The following HNRNPF variants were observed in gnomAD, a reference collection of about 807,000 sequenced individuals.
HNRNPF encodes the protein heterogeneous nuclear ribonucleoprotein F.
HNRNPF carries 2 observed loss-of-function variants against 26.0 expected under a neutral mutation model. The ratio of observed to expected loss-of-function variants is 0.08; its 90% confidence interval spans 0.03 to 0.24. The LOEUF (loss-of-function observed/expected upper bound fraction) is 0.24, where lower values mean the gene tolerates loss of function less well. Among genes scored for constraint, HNRNPF ranks in the 10% least tolerant of loss-of-function variants. HNRNPF has a pLI of 1.00. For synonymous variants in HNRNPF, 234 were observed against 211.5 expected (o/e 1.11, Z -0.92); for missense variants, 299 against 539.2 (o/e 0.55, Z 4.41).
chr10:43,401,081 CAAA>C (rs59546346), intron 1 of HNRNPF, among the ~76,000 whole-genome samples: 4 of 140,708 alleles, frequency 2.8e-5, no homozygotes, highest in Non-Finnish European at 4.8e-5. Flanking sequence ...GACTCCGTCT[CAAA>C]AAAAAAAAAG....
chr10:43,399,259 T>C (rs993111469), intron 1 of HNRNPF, among the ~76,000 whole-genome samples: 1 of 152,088 alleles, frequency 6.6e-6, no homozygotes, highest in African/African-American at 2.4e-5. Context: ...ATTTTTTTTT[T>C]AATTTTTTAG....
At chr10:43,403,724 T>C (rs909455463) in intron 1 of HNRNPF, among the ~76,000 whole-genome samples, 1 of 152,140 alleles carries the variant, frequency 6.6e-6, no homozygotes, top group Non-Finnish European at 1.5e-5. Flanking sequence ...TGAGGCCATA[T>C]ATAGTGGCTC....
intron 3 of HNRNPF, among the ~76,000 whole-genome samples, 180 bp from the exon 4 acceptor site, chr10:43,388,116 G>T (rs1838103746): frequency 6.6e-6 from 1 of 152,086 alleles, no homozygotes; most frequent in African/African-American, 2.4e-5. Context: ...AACAAATCAG[G>T]AGTTTACAAG....
At chr10:43,403,020 G>GT (rs1838800658) in intron 1 of HNRNPF, among the ~76,000 whole-genome samples, 1 of 151,924 alleles carries the variant, frequency 6.6e-6, no homozygotes. Context: ...TAAAAATTCT[G>GT]TTTTTGAAAA....
Position 43,395,151 on chromosome 10 carries a change from G to C in HNRNPF, c.-111-463C>G, listed in dbSNP as rs1223172304. Among the ~76,000 whole-genome samples, 4 of 152,198 alleles carry C rather than the reference G, an allele frequency of 2.6e-5. No individual in the cohort carries two copies. In the East Asian group the frequency reaches 7.7e-4, roughly 29 times the overall value. On this transcript the variant is annotated intron_variant, in intron 2 of 3. Coordinates refer to ENST00000682386, the MANE Select transcript of HNRNPF (RefSeq NM_001098204.2). ...AATATCGGGGGCAGGGCACTTGGGA[G>C]GGAGATGGGTGGGGGAGAAGTGACA...
intron 1 of HNRNPF, among the ~76,000 whole-genome samples, chr10:43,405,847 T>C (rs1838899917): frequency 2.6e-5 from 4 of 152,134 alleles, no homozygotes; most frequent in Admixed American, 2.6e-4. Flanking sequence ...CGGTCTTGGC[T>C]GAGCTCAGTT....
intron 1 of HNRNPF, among the ~76,000 whole-genome samples, chr10:43,402,685 G>C (rs1838789674): frequency 6.6e-6 from 1 of 152,172 alleles, no homozygotes; most frequent in Non-Finnish European, 1.5e-5. Flanking sequence ...ACTTAAATTA[G>C]AAAAGATATG....
At chr10:43,396,690 G>C (rs904577103) in intron 1 of HNRNPF, 100 bp from the exon 2 acceptor site, 6 of 152,140 alleles carry the variant, frequency 3.9e-5, no homozygotes, top group African/African-American at 1.2e-4. Context: ...CCGAGGCCCC[G>C]AGACAAGGTG....
At chr10:43,395,063 C>T (rs576064578) in intron 2 of HNRNPF, among the ~76,000 whole-genome samples, 2 of 152,122 alleles carry the variant, frequency 1.3e-5, no homozygotes, top group Admixed American at 6.5e-5. Flanking sequence ...TCAGGTGATC[C>T]GCCCGCCTCT....
chr10:43,388,901 A>G (rs1838135364), intron 3 of HNRNPF, among the ~76,000 whole-genome samples: 1 of 152,134 alleles, frequency 6.6e-6, no homozygotes, highest in African/African-American at 2.4e-5. Flanking sequence ...TCATGGGGCC[A>G]AAGACGTATT....
intron 2 of HNRNPF, among the ~76,000 whole-genome samples, chr10:43,395,043 A>T (rs1288576194): frequency 6.6e-6 from 1 of 151,728 alleles, no homozygotes; most frequent in African/African-American, 2.4e-5. Flanking sequence ...CTGGTCCCAA[A>T]CTCCTGACCT....
Position 43,386,779 on chromosome 10 carries a change from T to C in HNRNPF, c.1106A>G (p.Asn369Ser), listed in dbSNP as rs377395674. The C allele has an allele frequency of 3.7e-5, 59 of 1,614,150 alleles. No homozygotes were observed. Among genetic ancestry groups the C allele is most frequent in the Middle Eastern group, 1.6e-4 (1 of 6,062 alleles). ...LFLNSTTGASNGAYSSQVMQG... is the reference protein window; with the variant it reads ...LFLNSTTGASSGAYSSQVMQG... ...CATCACCTGGCTGCTATACGCCCCA[T>C]TGCTGGCCCCTGTTGTTGAATTCAA... The change falls in exon 4 of 4, where the codon AAT becomes AGT. Residue 369 changes from asparagine (N) to serine (S), a missense_variant. Coordinates refer to ENST00000682386, the MANE Select transcript of HNRNPF (RefSeq NM_001098204.2).
At chr10:43,399,455 C>T (rs570611884) in intron 1 of HNRNPF, among the ~76,000 whole-genome samples, 1 of 152,274 alleles carries the variant, frequency 6.6e-6, no homozygotes, top group Admixed American at 6.5e-5. Context: ...GTGCAGAAGA[C>T]TTGAGCCAGG....
At chr10:43,397,814 C>A (rs987848721) in intron 1 of HNRNPF, among the ~76,000 whole-genome samples, 1 of 152,124 alleles carries the variant, frequency 6.6e-6, no homozygotes, top group African/African-American at 2.4e-5. Context: ...TGTCATTATA[C>A]TGTAATTTTA....
At chr10:43,396,255 T>C (rs866025871) in intron 2 of HNRNPF, among the ~76,000 whole-genome samples, 1 of 152,220 alleles carries the variant, frequency 6.6e-6, no homozygotes. Context: ...CACCTCGTTT[T>C]CTTTTGTTCA....
Position 43,409,157 on chromosome 10 carries a change from C to G in HNRNPF, c.-273G>C, listed in dbSNP as rs1839024966. 6.6e-6 allele frequency: 1 copy of G among 152,552 alleles called. No individual in the cohort carries two copies. Among genetic ancestry groups the G allele is most frequent in the African/African-American group, 2.4e-5 (1 of 41,480 alleles). 9.4% of individuals were successfully genotyped at this position (152,552 alleles called of 1,614,324 possible). On this transcript the variant is annotated 5_prime_UTR_variant, in exon 1 of 4. Coordinates refer to ENST00000682386, the MANE Select transcript of HNRNPF (RefSeq NM_001098204.2). ...TTGAGGAAGACGCGGCGCAGTCCTGCTTCCACGACGGAGCCGGAAGGACGC... is the reference window on the plus strand; with the variant it reads ...TTGAGGAAGACGCGGCGCAGTCCTGGTTCCACGACGGAGCCGGAAGGACGC...
intron 1 of HNRNPF, among the ~76,000 whole-genome samples, chr10:43,401,953 CAG>C (rs1472006592): frequency 6.6e-6 from 1 of 152,004 alleles, no homozygotes; most frequent in African/African-American, 2.4e-5. Flanking sequence ...TTGTGCAGAA[CAG>C]AGAGATGGAA....
intron 1 of HNRNPF, chr10:43,396,972 A>C: frequency 7.0e-6 from 1 of 143,096 alleles, no homozygotes; most frequent in Non-Finnish European, 1.5e-5. Flanking sequence ...GGCGACGGCA[A>C]GGTGGGGTGG....
intron 1 of HNRNPF, among the ~76,000 whole-genome samples, chr10:43,400,270 G>A (rs1465265033): frequency 6.6e-6 from 1 of 152,126 alleles, no homozygotes; most frequent in African/African-American, 2.4e-5. Context: ...TCTCCCCTCT[G>A]GACACTTGTT....
Sources: allele counts gnomAD v4.1 joint callset (sites outside exome capture counted in the v4.1 genomes callset), GRCh38; gene constraint gnomAD v4.1.1; transcripts MANE v1.5; gene names NCBI Gene and HGNC (gene_info 2026-07-23, HGNC 2026-07-21).